SLC25A28: variants seen among roughly 807,000 people sequenced by gnomAD.
The protein encoded by SLC25A28 is mitoferrin-2.
A neutral mutation model predicts 31.9 loss-of-function variants in SLC25A28; 10 were observed. The observed-to-expected ratio is 0.31, with a 90% CI of 0.19 to 0.53. The LOEUF (loss-of-function observed/expected upper bound fraction) is 0.53, where lower values mean the gene tolerates loss of function less well. Ranked by LOEUF, SLC25A28 falls within the 20% of genes least tolerant of loss-of-function variation. The pLI, the probability that SLC25A28 is intolerant of heterozygous loss-of-function variation, is 0.95. For synonymous variants in SLC25A28, 208 were observed against 203.6 expected (o/e 1.02, Z -0.19); for missense variants, 256 against 490.3 (o/e 0.52, Z 4.51).
the SLC25A28 span, among the ~76,000 whole-genome samples, chr10:99,632,387 G>T: frequency 6.6e-6 from 1 of 152,124 alleles, no homozygotes; most frequent in South Asian, 2.1e-4. Context: ...GCTGGCAGGG[G>T]GTGGGTGTGT....
Position 99,620,346 on chromosome 10 carries a change from C to T in SLC25A28, c.-11G>A. Reference sequence around the variant, plus strand: ...CCCCTCCAACTCCATCCACCCGGGCCAGCTGCGGCGCCCACCCCCGCCGCC... The same window carrying T: ...CCCCTCCAACTCCATCCACCCGGGCTAGCTGCGGCGCCCACCCCCGCCGCC... On this transcript the variant is annotated 5_prime_UTR_variant, in exon 1 of 4. Coordinates refer to ENST00000370495, the MANE Select transcript of SLC25A28 (RefSeq NM_031212.4). 2.6e-6 allele frequency: 3 copies of T among 1,135,430 alleles called. No homozygotes were observed. Among genetic ancestry groups the T allele is most frequent in the Non-Finnish European group, 3.2e-6 (3 of 926,320 alleles). 70.3% of individuals were successfully genotyped at this position (1,135,430 alleles called of 1,614,324 possible). A position where few individuals can be genotyped will look rare whatever the true frequency, so the allele number is the denominator to read the frequency against.
Position 99,620,409 on chromosome 10 carries a change from G to A in SLC25A28, c.-74C>T. On this transcript the variant is annotated 5_prime_UTR_variant, in exon 1 of 4. Coordinates refer to ENST00000370495, the MANE Select transcript of SLC25A28 (RefSeq NM_031212.4). The stretch of plus-strand genomic sequence containing the variant: ...GCCGCCGCCGCCCCCCGGCCCCGTA[G>A]TGTCCGCCTCAGGCGCGGCCCAGAG... 1 of 1,048,126 alleles carries A rather than the reference G, an allele frequency of 9.5e-7. No homozygotes were observed. Among genetic ancestry groups the A allele is most frequent in the Non-Finnish European group, 1.1e-6 (1 of 871,920 alleles). The allele number at this position is 1,048,126 out of a possible 1,614,324, so 64.9% of individuals were successfully genotyped here.
Position 99,611,219 on chromosome 10 carries a change from T to C in SLC25A28, c.725A>G (p.His242Arg). 6.2e-7 allele frequency: 1 copy of C among 1,614,066 alleles called. No individual in the cohort carries two copies. The highest frequency in any genetic ancestry group is 8.5e-7 in the Non-Finnish European group (1 of 1,180,022). The change falls in exon 4 of 4, where the codon CAC becomes CGC. Residue 242 changes from histidine to arginine, a missense_variant. Physicochemically the swap from His to Arg is conservative, Grantham distance 29. Transcript: ENST00000370495. This position sits in a 1 kb window ranked among gnomAD's most constrained non-coding sequence, Gnocchi z 5.5. ...CTGCAGGAATTCATAGGTCATGAAG[T>C]GAATGGCTTGGAAAGGAACGTTCAT... Reference protein sequence around the residue: ...LTMNVPFQAIHFMTYEFLQEH... With the variant: ...LTMNVPFQAIRFMTYEFLQEH...
chr10:99,634,462 A>G, the SLC25A28 span, among the ~76,000 whole-genome samples: 2 of 152,240 alleles, frequency 1.3e-5, no homozygotes, highest in African/African-American at 4.8e-5. Flanking sequence ...TAGAAATTTC[A>G]GGAAATATCG....
chr10:99,617,563 G>A, intron 1 of SLC25A28: 1 of 985,418 alleles, frequency 1.0e-6, no homozygotes, highest in African/African-American at 1.7e-5. Context: ...AGCAAACTGG[G>A]AAGTCTTTTC....
the SLC25A28 span, among the ~76,000 whole-genome samples, chr10:99,650,631 G>A: frequency 6.6e-6 from 1 of 151,494 alleles, no homozygotes; most frequent in African/African-American, 2.4e-5. Flanking sequence ...AATGCAATCC[G>A]CTCACATCTC....
upstream of SLC25A28, among the ~76,000 whole-genome samples, chr10:99,623,596 C>T (rs2034831365): frequency 6.6e-6 from 1 of 152,192 alleles, no homozygotes; most frequent in African/African-American, 2.4e-5. Flanking sequence ...CGAGGATCCC[C>T]TAGCTTCAGC....
In SLC25A28 at chr10:99,611,041, A is replaced by G. The variant is rs1470312240; in HGVS notation, c.903T>C (p.Ile301=). The G allele has an allele frequency of 1.2e-6, 2 of 1,614,134 alleles. No homozygotes were observed. Among genetic ancestry groups the G allele is most frequent in the Non-Finnish European group, 1.7e-6 (2 of 1,180,016 alleles). ...TQESLALNSH[I]TGHITGMASA... The stretch of plus-strand genomic sequence containing the variant: ...TAGCCATGCCTGTGATATGTCCTGT[A>G]ATGTGTGAGTTCAAAGCCAAGGACT... Residue 301 remains isoleucine (I), a synonymous_variant, in exon 4 of 4, where the codon ATT becomes ATC. Coordinates refer to ENST00000370495, the MANE Select transcript of SLC25A28 (RefSeq NM_031212.4). This position sits in a 1 kb window ranked among gnomAD's most constrained non-coding sequence, Gnocchi z 5.5.
rs1003625078 is a variant in SLC25A28, at chr10:99,611,979, C to T, written c.577+564G>A. 3.9e-5 allele frequency among the ~76,000 whole-genome samples: 6 copies of T among 152,208 alleles called. No homozygotes were observed. Among genetic ancestry groups the T allele is most frequent in the Non-Finnish European group, 5.9e-5 (4 of 68,046 alleles). ...TTTCCACCCCATGGCCTTGCCCAGA[C>T]AGAAAATGAACGTGGCAACAATGCT... On this transcript the variant is annotated intron_variant, in intron 3 of 3. Transcript: ENST00000370495. This position sits in a 1 kb window ranked among gnomAD's most constrained non-coding sequence, Gnocchi z 5.5.
chr10:99,638,279 A>T, the SLC25A28 span, among the ~76,000 whole-genome samples: 2 of 152,246 alleles, frequency 1.3e-5, no homozygotes, highest in Non-Finnish European at 2.9e-5. Flanking sequence ...CTCACCTTAT[A>T]CAAAAATCAA....
the SLC25A28 span, among the ~76,000 whole-genome samples, chr10:99,651,519 A>C: frequency 2.0e-5 from 3 of 151,322 alleles, no homozygotes; most frequent in Non-Finnish European, 4.4e-5. Context: ...AGGATAACCC[A>C]CTGTGTGGCT....
upstream of SLC25A28, among the ~76,000 whole-genome samples, chr10:99,622,847 T>C (rs1019543730): frequency 1.3e-5 from 2 of 152,124 alleles, no homozygotes; most frequent in African/African-American, 4.8e-5. Context: ...GAAATTTCCA[T>C]GGGAACATTC....
chr10:99,614,652 A>G (rs926652039), intron 1 of SLC25A28, among the ~76,000 whole-genome samples: 2 of 152,180 alleles, frequency 1.3e-5, no homozygotes, highest in African/African-American at 4.8e-5. Context: ...GAATCTCTCT[A>G]AAGGATTTGA....
chr10:99,617,559 C>G (rs2034687784), intron 1 of SLC25A28: 1 of 985,312 alleles, frequency 1.0e-6, no homozygotes, highest in Non-Finnish European at 1.2e-6. Context: ...GACAAGCAAA[C>G]TGGGAAGTCT....
Position 99,613,225 on chromosome 10 carries a change from C to T in SLC25A28, c.520+471G>A, listed in dbSNP as rs2034571388. 6.6e-6 allele frequency among the ~76,000 whole-genome samples: 1 copy of T among 152,150 alleles called. No homozygotes were observed. Among genetic ancestry groups the T allele is most frequent in the African/African-American group, 2.4e-5 (1 of 41,436 alleles). ...CACCCCCATTCATTTTGTCATGAGG[C>T]TTTGTCATGTTCTCAACACAAACTG... On this transcript the variant is annotated intron_variant, in intron 2 of 3. Transcript: ENST00000370495. The surrounding 1 kb of genome is among the most constrained non-coding windows in gnomAD (Gnocchi z 4.9).
At chr10:99,634,277 A>G in the SLC25A28 span, among the ~76,000 whole-genome samples, 1 of 152,200 alleles carries the variant, frequency 6.6e-6, no homozygotes. Context: ...CTCACCAGCA[A>G]TGGATCCAAA....
the SLC25A28 span, among the ~76,000 whole-genome samples, chr10:99,631,891 A>ATTT: frequency 8.2e-6 from 1 of 122,284 alleles, no homozygotes; most frequent in Non-Finnish European, 1.6e-5. Context: ...TTTTTTTTTT[A>ATTT]TTTTTTTTTT....
In SLC25A28 at chr10:99,613,342, C is replaced by T; in HGVS notation, c.520+354G>A. ...GGTGGCTGGCTGGGTCGCCTCCAAT[C>T]CTGCCCTAAGGAGCAGGACACCACC... On this transcript the variant is annotated intron_variant, in intron 2 of 3. Transcript: ENST00000370495. This position sits in a 1 kb window ranked among gnomAD's most constrained non-coding sequence, Gnocchi z 4.9. The T allele has an allele frequency of 2.6e-6, 3 of 1,134,726 alleles. No homozygotes were observed. Among genetic ancestry groups the T allele is most frequent in the Non-Finnish European group, 3.3e-6 (3 of 917,486 alleles). 70.3% of individuals were successfully genotyped at this position (1,134,726 alleles called of 1,614,324 possible). A position where few individuals can be genotyped will look rare whatever the true frequency, so the allele number is the denominator to read the frequency against.
At chr10:99,646,463 C>T in the SLC25A28 span, among the ~76,000 whole-genome samples, 14 of 152,222 alleles carry the variant, frequency 9.2e-5, no homozygotes, top group African/African-American at 3.4e-4. Flanking sequence ...TCTGTCACGG[C>T]TTCCCTTGGC....
Sources: gnomAD v4.1 joint callset for allele counts (sites outside exome capture counted in the v4.1 genomes callset) on GRCh38, gnomAD v4.1.1 for gene constraint, Gnocchi (gnomAD v3.1) non-coding constraint, MANE v1.5 for transcripts, NCBI Gene and HGNC (gene_info 2026-07-23, HGNC 2026-07-21) for gene names.